RMST: variants seen among roughly 807,000 people sequenced by gnomAD.
RMST encodes long intergenic non-protein coding RNA 54.
At chr12:97,477,689 A>G (rs934405675) in intron 5 of RMST, among the ~76,000 whole-genome samples, 1 of 152,216 alleles carries the variant, frequency 6.6e-6, no homozygotes, top group Non-Finnish European at 1.5e-5. Flanking sequence ...TTAAGGGAAC[A>G]AACATACTTA....
chr12:97,488,176 G>C (rs1337706416), intron 5 of RMST, among the ~76,000 whole-genome samples: 2 of 152,276 alleles, frequency 1.3e-5, no homozygotes, highest in East Asian at 1.9e-4. Context: ...CTGAGGTCAG[G>C]AGTTCGAGAT....
chr12:97,536,908 A>C (rs932222406), intron 11 of RMST, among the ~76,000 whole-genome samples: 7 of 151,498 alleles, frequency 4.6e-5, no homozygotes, highest in African/African-American at 1.7e-4. Context: ...ACTTCACAAC[A>C]ATGAAACTAG....
chr12:97,468,375 C>T (rs915255254), intron 5 of RMST, among the ~76,000 whole-genome samples: 5 of 151,980 alleles, frequency 3.3e-5, no homozygotes, highest in Non-Finnish European at 5.9e-5. Flanking sequence ...CTCGTTACGT[C>T]CCTGAATCCT....
At chr12:97,535,159 A>G (rs1230257885) in intron 11 of RMST, among the ~76,000 whole-genome samples, 1 of 151,658 alleles carries the variant, frequency 6.6e-6, no homozygotes, top group Non-Finnish European at 1.5e-5. Flanking sequence ...TAATTTGTTT[A>G]ATAAAATCAT....
At chr12:97,552,808 A>G (rs1263962029) in intron 11 of RMST, among the ~76,000 whole-genome samples, 1 of 152,204 alleles carries the variant, frequency 6.6e-6, no homozygotes, top group Non-Finnish European at 1.5e-5. Flanking sequence ...GGTTCATTTT[A>G]GTGCCTCTCG....
intron 11 of RMST, among the ~76,000 whole-genome samples, chr12:97,532,186 C>T (rs1409316739): frequency 6.6e-6 from 1 of 151,878 alleles, no homozygotes; most frequent in Non-Finnish European, 1.5e-5. Flanking sequence ...ATATTCTGGA[C>T]ACCATGTTTA....
intron 10 of RMST, among the ~76,000 whole-genome samples, chr12:97,502,167 A>G (rs1221494107): frequency 1.3e-5 from 2 of 152,150 alleles, no homozygotes; most frequent in African/African-American, 2.4e-5. Context: ...CTTATAATGG[A>G]GACTTTCTTG....
At chr12:97,523,570 T>A (rs1300151058) in intron 10 of RMST, among the ~76,000 whole-genome samples, 1 of 152,202 alleles carries the variant, frequency 6.6e-6, no homozygotes, top group Admixed American at 6.5e-5. Flanking sequence ...TATTAAAACA[T>A]CACACTGTAC....
At chr12:97,552,490 G>C (rs78988459) in intron 11 of RMST, among the ~76,000 whole-genome samples, 2,437 of 152,188 alleles carry the variant, frequency 0.016, 56 homozygotes, top group African/African-American at 0.056. Context: ...TTGGGAATTG[G>C]ACTCCTTTAG....
intron 11 of RMST, among the ~76,000 whole-genome samples, chr12:97,538,581 G>C (rs537140945): frequency 1.4e-4 from 21 of 151,382 alleles, no homozygotes; most frequent in African/African-American, 4.3e-4. Flanking sequence ...TCTTCCCAAA[G>C]CCTGTGAAAA....
At chr12:97,513,639 C>T (rs1222134001) in intron 10 of RMST, among the ~76,000 whole-genome samples, 4 of 152,122 alleles carry the variant, frequency 2.6e-5, no homozygotes, top group Non-Finnish European at 4.4e-5. Context: ...CCTATATAGA[C>T]GCAGTTTCCA....
chr12:97,526,291 C>T lies in RMST; in HGVS notation n.1341-4364C>T, dbSNP rs187238419. 4.4e-4 allele frequency among the ~76,000 whole-genome samples: 67 copies of T among 152,160 alleles called. No individual in the cohort carries two copies. In the Middle Eastern group the frequency reaches 0.017, roughly 39 times the overall value. On this transcript the variant is annotated intron_variant and non_coding_transcript_variant, in intron 10 of 13. Coordinates refer to ENST00000640149, the Ensembl canonical transcript of RMST. ...ATATACAATACCCATTGTTCTGCACCATTCTTCTTTTCCTTAAAATGTATC... is the reference window on the plus strand; with the variant it reads ...ATATACAATACCCATTGTTCTGCACTATTCTTCTTTTCCTTAAAATGTATC...
chr12:97,486,178 A>C (rs1484175933), intron 5 of RMST, among the ~76,000 whole-genome samples: 1 of 152,224 alleles, frequency 6.6e-6, no homozygotes, highest in Non-Finnish European at 1.5e-5. Flanking sequence ...TGGATACAAA[A>C]CAAGTTTTCC....
intron 10 of RMST, among the ~76,000 whole-genome samples, chr12:97,496,574 T>A (rs1014703593): frequency 2.0e-5 from 3 of 152,216 alleles, no homozygotes; most frequent in Admixed American, 2.0e-4. Flanking sequence ...AACCTCCTTA[T>A]GTATTTTGTG....
chr12:97,531,700 A>T (rs1399513603), intron 11 of RMST, among the ~76,000 whole-genome samples: 1 of 151,966 alleles, frequency 6.6e-6, no homozygotes, highest in African/African-American at 2.4e-5. Context: ...ATATCAAGGC[A>T]ATCAATTTGC....
intron 5 of RMST, among the ~76,000 whole-genome samples, chr12:97,467,904 G>A (rs1873386949): frequency 6.6e-6 from 1 of 151,980 alleles, no homozygotes. Context: ...TCATGGGATT[G>A]ATATTAGGAT....
rs149611780 is a variant in RMST, at chr12:97,562,866, G to A, written n.1959-1284G>A. 2.2e-3 allele frequency among the ~76,000 whole-genome samples: 339 copies of A among 152,250 alleles called. 2 individuals carry two copies. The highest frequency in any genetic ancestry group is 7.8e-3 in the African/African-American group (326 of 41,542). The stretch of plus-strand genomic sequence containing the variant: ...AGCTTGCCTAGCCTTTACTCCTAAG[G>A]AGGAACTCAAGTTCTTGTTTCTTTT... On this transcript the variant is annotated intron_variant and non_coding_transcript_variant, in intron 13 of 13. Transcript: ENST00000640149.
At chr12:97,531,643 C>T (rs974584474) in intron 11 of RMST, among the ~76,000 whole-genome samples, 1 of 151,864 alleles carries the variant, frequency 6.6e-6, no homozygotes, top group African/African-American at 2.4e-5. Context: ...AAAAAATATG[C>T]AGAAGGCAAG....
rs563523938 is a variant in RMST, at chr12:97,552,689, C to T, written n.1546-7848C>T. 5.3e-5 allele frequency among the ~76,000 whole-genome samples: 8 copies of T among 152,322 alleles called. No individual in the cohort carries two copies. The East Asian group carries it at 9.6e-4, about 18-fold the overall frequency. ...TACCTTTCAGTAGCTGCACCTAAATCCCTTTCTATTTTGTTGTTGTTGTTG... is the reference window on the plus strand; with the variant it reads ...TACCTTTCAGTAGCTGCACCTAAATTCCTTTCTATTTTGTTGTTGTTGTTG... On this transcript the variant is annotated intron_variant and non_coding_transcript_variant, in intron 11 of 13. Transcript: ENST00000640149.
Sources: allele counts gnomAD v4.1 joint callset (sites outside exome capture counted in the v4.1 genomes callset), GRCh38; gene constraint gnomAD v4.1.1; transcripts MANE v1.5; gene names NCBI Gene and HGNC (gene_info 2026-07-23, HGNC 2026-07-21).